C1S: variants seen among roughly 807,000 people sequenced by gnomAD.
C1S encodes the protein complement C1s subcomponent.
Under a neutral mutation model 54.0 loss-of-function variants are expected in C1S, and 31 were observed. The observed-to-expected ratio is 0.57, with a 90% confidence interval of 0.43 to 0.78. C1S has a LOEUF of 0.78. C1S is among the 30% of genes least tolerant of loss of function. C1S has a pLI of 0.00. For missense variants in C1S, 727 were observed against 851.8 expected (o/e 0.85, Z 1.82); for synonymous variants, 292 against 303.6 (o/e 0.96, Z 0.40).
intron 4 of C1S, chr12:7,063,329 G>A (rs1947124916): frequency 3.7e-6 from 2 of 540,004 alleles, no homozygotes; most frequent in Non-Finnish European, 7.0e-6. Context: ...GGTATGTATT[G>A]GGGATTGGGG....
chr12:7,067,233 G>C, intron 9 of C1S, 116 bp downstream of exon 9: 1 of 797,638 alleles, frequency 1.3e-6, no homozygotes. Context: ...AGTGGGTTGG[G>C]TTTTTGAAGG....
Position 7,069,930 on chromosome 12 carries a change from TC to T in C1S, c.1350del (p.Trp451GlyfsTer21). ...IGGSDADIKN[F>X]PWQVFFDNPW... ...GGATCCGATGCAGATATTAAAAACT[TC>T]CCCTGGCAAGTCTTCTTTGACAACC... On this transcript the variant is annotated frameshift_variant, in exon 12 of 12. Transcript: ENST00000360817. LOFTEE classifies it low-confidence loss of function (END_TRUNC). 4 of 1,614,134 alleles carry T rather than the reference TC, an allele frequency of 2.5e-6. No individual in the cohort carries two copies. The highest frequency in any genetic ancestry group is 3.4e-6 in the Non-Finnish European group (4 of 1,180,012).
chr12:7,068,063 T>C (rs1555162596), intron 10 of C1S, among the ~76,000 whole-genome samples: 1 of 152,198 alleles, frequency 6.6e-6, no homozygotes, highest in African/African-American at 2.4e-5. Flanking sequence ...AGTTATTTCA[T>C]GTAAAACCCA....
intron 2 of C1S, 110 bp from the exon 3 acceptor site, chr12:7,062,365 G>T (rs895317076): frequency 6.2e-6 from 5 of 808,222 alleles, no homozygotes; most frequent in South Asian, 1.4e-5. Flanking sequence ...CCCCATGGCC[G>T]ATTGACTGCC....
At chr12:7,064,474 C>A in intron 5 of C1S, 82 bp downstream of exon 5, 2 of 1,481,572 alleles carry the variant, frequency 1.3e-6, no homozygotes, top group Non-Finnish European at 1.9e-6. Flanking sequence ...TCCACCCTTC[C>A]AACTTCGATT....
Position 7,070,873 on chromosome 12 carries a change from A to G in C1S, c.*222A>G, listed in dbSNP as rs782424620. On this transcript the variant is annotated 3_prime_UTR_variant, in exon 12 of 12. Transcript: ENST00000360817. This position sits in a 1 kb window ranked among gnomAD's most constrained non-coding sequence, Gnocchi z 4.9. The stretch of plus-strand genomic sequence containing the variant: ...CTCCTTGGGGTCCTTTCCCCGGAGT[A>G]CCTATTGTAGATAACACTATGGGTG... 10 of 582,774 alleles carry G rather than the reference A, an allele frequency of 1.7e-5. No individual in the cohort carries two copies. The South Asian group carries it at 1.9e-4, about 11-fold the overall frequency. The allele number at this position is 582,774 out of a possible 1,614,324, so 36.1% of individuals were successfully genotyped here.
At chr12:7,069,548 C>T (rs782503640) in intron 11 of C1S, among the ~76,000 whole-genome samples, 4 of 152,228 alleles carry the variant, frequency 2.6e-5, no homozygotes, top group Non-Finnish European at 5.9e-5. Context: ...GGGACCCCTG[C>T]CTCCAGGGGG....
Position 7,070,514 on chromosome 12 carries a change from A to G in C1S, c.1930A>G (p.Lys644Glu). ...GAFAVQDPND[K>E]TKFYAAGLVS... ...CTTTGCTGTACAGGATCCCAATGAC[A>G]AGACCAAATTCTACGCAGCTGGCCT... is the stretch of plus-strand genomic sequence containing the variant. The change falls in exon 12 of 12, where the codon AAG becomes GAG. Residue 644 changes from lysine to glutamate, a missense_variant. Coordinates refer to ENST00000360817, the MANE Select transcript of C1S (RefSeq NM_001734.5). The surrounding 1 kb of genome is among the most constrained non-coding windows in gnomAD (Gnocchi z 4.9). The G allele has an allele frequency of 1.9e-6, 3 of 1,613,846 alleles. No individual in the cohort carries two copies. The highest frequency in any genetic ancestry group is 2.5e-6 in the Non-Finnish European group (3 of 1,179,840).
intron 3 of C1S, 35 bp from the exon 4 acceptor site, chr12:7,062,854 CT>C: frequency 6.2e-7 from 1 of 1,607,482 alleles, no homozygotes. Context: ...AAATATTACC[CT>C]TTCCTAGATT....
At position 7,070,638 on chromosome 12, in the gene C1S, C is replaced by G. The variant is rs782300338; in HGVS notation, c.2054C>G (p.Pro685Arg). 10 of 1,613,656 alleles carry G rather than the reference C, an allele frequency of 6.2e-6. No homozygotes were observed. Among genetic ancestry groups the G allele is most frequent in the Admixed American group, 1.7e-5 (1 of 60,006 alleles). ...IMKTMQENST[P>R]RED ...AAGACTATGCAGGAAAATAGCACCC[C>G]CCGTGAGGACTAATCCAGATACATC... Residue 685 changes from proline to arginine, a missense_variant, in exon 12 of 12, where the codon CCC (proline) becomes CGC (arginine). Coordinates refer to ENST00000360817, the MANE Select transcript of C1S (RefSeq NM_001734.5). The surrounding 1 kb of genome is among the most constrained non-coding windows in gnomAD (Gnocchi z 4.9).
Position 7,061,651 on chromosome 12 carries a change from A to G in C1S, c.-74-188A>G, listed in dbSNP as rs1193476105. The G allele has an allele frequency of 1.8e-5, 10 of 565,860 alleles. No individual in the cohort carries two copies. In the African/African-American group the frequency reaches 1.9e-4, roughly 11 times the overall value. The allele number at this position is 565,860 out of a possible 1,614,324, so 35.1% of individuals were successfully genotyped here. On this transcript the variant is annotated intron_variant, in intron 1 of 11. Coordinates refer to ENST00000360817, the MANE Select transcript of C1S (RefSeq NM_001734.5). ...AATGAGGGAAGGATACAATTTAGCT[A>G]TAGTCTAGAAAGTTAGTCGAAGTTA...
At chr12:7,064,446 G>T in intron 5 of C1S, 54 bp downstream of exon 5, 2 of 1,609,688 alleles carry the variant, frequency 1.2e-6, no homozygotes, top group Non-Finnish European at 1.7e-6. Flanking sequence ...AATGGCTGAG[G>T]CCTCAGAAAG....
chr12:7,062,154 C>T (rs1947098826), intron 2 of C1S: 4 of 579,476 alleles, frequency 6.9e-6, no homozygotes, highest in Middle Eastern at 4.7e-4. Flanking sequence ...ACCTGTGGTC[C>T]CTGCTACTCA....
Position 7,066,627 on chromosome 12 carries a change from T to C in C1S, c.981T>C (p.Val327=), listed in dbSNP as rs1406262111. 1 of 1,603,998 alleles carries C rather than the reference T, an allele frequency of 6.2e-7. No individual in the cohort carries two copies. Among genetic ancestry groups the C allele is most frequent in the African/African-American group, 1.3e-5 (1 of 74,734 alleles). The change falls in exon 8 of 12, where the codon GTT becomes GTC. Residue 327 remains valine (V), a synonymous_variant. Coordinates refer to ENST00000360817, the MANE Select transcript of C1S (RefSeq NM_001734.5). The stretch of plus-strand genomic sequence containing the variant: ...TAACCTGTCTGGATGGGTTTGAAGT[T>C]GTGGAGGTAAAGTACCACCTTGGCT... The part of the protein sequence containing the change: ...VQITCLDGFE[V]VEGRVGATSF...
chr12:7,069,797 T>A, intron 11 of C1S, 58 bp from the exon 12 acceptor site: 3 of 1,404,686 alleles, frequency 2.1e-6, no homozygotes, highest in Non-Finnish European at 3.0e-6. Flanking sequence ...GTTGGAGGAT[T>A]TGCAGGAAGC....
chr12:7,067,036 C>T lies in C1S; in HGVS notation c.988-3C>T. 6.2e-7 allele frequency: 1 copy of T among 1,606,206 alleles called. No individual in the cohort carries two copies. Among genetic ancestry groups the T allele is most frequent in the Non-Finnish European group, 8.5e-7 (1 of 1,172,776 alleles). On this transcript the variant is annotated splice_polypyrimidine_tract_variant and splice_region_variant and intron_variant, in intron 8 of 11. Coordinates refer to ENST00000360817, the MANE Select transcript of C1S (RefSeq NM_001734.5). ...ATAAGTGGTGATGTTTATTATTCTC[C>T]AGGGACGTGTTGGTGCAACATCTTT...
intron 11 of C1S, 137 bp from the exon 12 acceptor site, chr12:7,069,718 T>C (rs1555162867): frequency 9.8e-6 from 8 of 815,648 alleles, no homozygotes; most frequent in Non-Finnish European, 4.2e-6. Flanking sequence ...ATTGAGATTG[T>C]TGACCAAATA....
chr12:7,069,476 G>T (rs782324693), intron 11 of C1S, among the ~76,000 whole-genome samples: 1 of 152,222 alleles, frequency 6.6e-6, no homozygotes, highest in Non-Finnish European at 1.5e-5. Flanking sequence ...GTGAGAAAAG[G>T]GTTTCCAGCA....
chr12:7,066,547 A>C lies in C1S; in HGVS notation c.901A>C (p.Asn301His). 3 of 1,613,122 alleles carry C rather than the reference A, an allele frequency of 1.9e-6. No homozygotes were observed. Among genetic ancestry groups the C allele is most frequent in the Non-Finnish European group, 2.5e-6 (3 of 1,179,050 alleles). The change falls in exon 8 of 12, where the codon AAT (asparagine) becomes CAT (histidine). Residue 301 changes from asparagine (N) to histidine (H), a missense_variant. By Grantham distance (68) the Asn-to-His change is moderately conservative. Coordinates refer to ENST00000360817, the MANE Select transcript of C1S (RefSeq NM_001734.5). ...GCCCTGCCCTAAGGAAGACACTCCCAATTCTGTTTGGGAGCCTGCGAAGGC... is the reference window on the plus strand; with the variant it reads ...GCCCTGCCCTAAGGAAGACACTCCCCATTCTGTTTGGGAGCCTGCGAAGGC... The part of the protein sequence containing the change: ...PMPCPKEDTP[N>H]SVWEPAKAKY...
Sources: gnomAD v4.1 joint callset for allele counts (sites outside exome capture counted in the v4.1 genomes callset) on GRCh38, gnomAD v4.1.1 for gene constraint, Gnocchi (gnomAD v3.1) non-coding constraint, MANE v1.5 for transcripts, NCBI Gene and HGNC (gene_info 2026-07-23, HGNC 2026-07-21) for gene names.